Variants in MYO18B observed in about 807,000 individuals in gnomAD.
MYO18B encodes the protein myosin XVIIIB.
Under a neutral mutation model 273.0 loss-of-function variants are expected in MYO18B, and 204 were observed. The observed-to-expected ratio is 0.75, with a 90% CI of 0.67 to 0.84. MYO18B has a LOEUF of 0.84. MYO18B is among the 40% of genes least tolerant of loss of function. The pLI is 0.00. For missense variants in MYO18B, 3,212 were observed against 3,287.6 expected (o/e 0.98, Z 0.56); for synonymous variants, 1,330 against 1,305.7 (o/e 1.02, Z -0.40).
At chr22:25,961,640 C>CG (rs2092919666) in intron 39 of MYO18B, among the ~76,000 whole-genome samples, 1 of 152,274 alleles carries the variant, frequency 6.6e-6, no homozygotes, top group African/African-American at 2.4e-5. Flanking sequence ...TTACAGGGCC[C>CG]GGGGAACCAC....
intron 1 of MYO18B, among the ~76,000 whole-genome samples, chr22:25,756,132 G>T (rs887744440): frequency 1.3e-5 from 2 of 152,122 alleles, no homozygotes; most frequent in African/African-American, 4.8e-5. Context: ...CTGACCTCGT[G>T]ATCCGCCTGC....
At chr22:25,937,962 C>T (rs1247126105) in intron 34 of MYO18B, among the ~76,000 whole-genome samples, 1 of 152,166 alleles carries the variant, frequency 6.6e-6, no homozygotes, top group African/African-American at 2.4e-5. Context: ...GGGTGATTCC[C>T]TTCAGGGAAA....
At chr22:25,996,575 A>T (rs542653517) in intron 40 of MYO18B, among the ~76,000 whole-genome samples, 2 of 151,870 alleles carry the variant, frequency 1.3e-5, no homozygotes, top group Non-Finnish European at 2.9e-5. Flanking sequence ...GTGTGTGTGT[A>T]TGTGTGTGAG....
the MYO18B span, among the ~76,000 whole-genome samples, chr22:26,040,980 CG>C: frequency 6.6e-6 from 1 of 152,076 alleles, no homozygotes; most frequent in Non-Finnish European, 1.5e-5. Flanking sequence ...ACAGAACTTT[CG>C]GTGCTAAAAC....
At chr22:25,877,064 G>A (rs2091219955) in intron 24 of MYO18B, 1 of 152,216 alleles carries the variant, frequency 6.6e-6, no homozygotes, top group Non-Finnish European at 1.5e-5. Flanking sequence ...GGCAATCCCT[G>A]GAGGATGAAG....
At chr22:26,062,051 T>C in the MYO18B span, among the ~76,000 whole-genome samples, 2 of 152,194 alleles carry the variant, frequency 1.3e-5, no homozygotes, top group Non-Finnish European at 2.9e-5. Flanking sequence ...TTCTTCTCTG[T>C]GTGGGGATCA....
At chr22:25,997,343 G>GAA (rs1933396699) in intron 40 of MYO18B, among the ~76,000 whole-genome samples, 1 of 73,360 alleles carries the variant, frequency 1.4e-5, no homozygotes, top group African/African-American at 5.6e-5. Flanking sequence ...AAGGAAAAAA[G>GAA]AAAGTATGGG....
chr22:25,834,059 C>T (rs370438843), intron 16 of MYO18B, among the ~76,000 whole-genome samples: 4 of 152,180 alleles, frequency 2.6e-5, no homozygotes, highest in African/African-American at 7.2e-5. Context: ...AAGGGTGGGC[C>T]TGAAGGGCTG....
At chr22:26,010,386 G>A (rs970636160) in intron 42 of MYO18B, among the ~76,000 whole-genome samples, 1 of 152,084 alleles carries the variant, frequency 6.6e-6, no homozygotes, top group Non-Finnish European at 1.5e-5. Flanking sequence ...GCATGTGGTG[G>A]GCTCAGAGAG....
intron 39 of MYO18B, among the ~76,000 whole-genome samples, chr22:25,969,179 G>T (rs1053890558): frequency 6.6e-6 from 1 of 152,214 alleles, no homozygotes; most frequent in African/African-American, 2.4e-5. Context: ...GATTCCAGAT[G>T]TGTCACCTTA....
In MYO18B at chr22:25,955,265, G is replaced by A. The variant is rs1467663958; in HGVS notation, c.6057G>A (p.Glu2019=). The change falls in exon 39 of 44, where the codon GAG becomes GAA. Residue 2019 remains glutamate (E), a synonymous_variant. Coordinates refer to ENST00000335473, the MANE Select transcript of MYO18B (RefSeq NM_032608.7). The stretch of plus-strand genomic sequence containing the variant: ...CCACCTCCGAGTCCCAGCAGCGGGA[G>A]AGCAGCCAGTACTACCAGCGGCGCC... ...QAATSESQQR[E]SSQYYQRRLE... is the part of the protein sequence containing the mutation. 2 of 1,613,680 alleles carry A rather than the reference G, an allele frequency of 1.2e-6. No homozygotes were observed. Among genetic ancestry groups the A allele is most frequent in the African/African-American group, 2.7e-5 (2 of 74,886 alleles).
chr22:25,814,256 A>G (rs983518896), intron 12 of MYO18B, among the ~76,000 whole-genome samples: 1 of 143,358 alleles, frequency 7.0e-6, no homozygotes, highest in Non-Finnish European at 1.5e-5. Flanking sequence ...ACAGTAGCTC[A>G]CATTTAATCA....
the MYO18B span, among the ~76,000 whole-genome samples, chr22:26,041,467 G>A: frequency 2.6e-5 from 4 of 152,190 alleles, no homozygotes; most frequent in East Asian, 7.7e-4. Flanking sequence ...AGGAGGTAGA[G>A]GTTGCAGGGA....
rs572834205 is a variant in MYO18B, at chr22:25,846,113, A to G, written c.3382A>G (p.Ser1128Gly). 18 of 1,571,678 alleles carry G rather than the reference A, an allele frequency of 1.1e-5. No homozygotes were observed. The East Asian group carries it at 4.2e-4, about 37-fold the overall frequency. Residue 1128 changes from serine (S) to glycine (G), a missense_variant, in exon 19 of 44, where the codon AGT (serine) becomes GGT (glycine). Coordinates refer to ENST00000335473, the MANE Select transcript of MYO18B (RefSeq NM_032608.7). ...LHQSKREELR[S>G]LFQARAKLPP... Reference sequence around the variant, plus strand: ...CCTCCCCACCAGAGAGGAGCTGCGGAGTCTATTCCAGGCCCGGGCCAAGCT... The same window carrying G: ...CCTCCCCACCAGAGAGGAGCTGCGGGGTCTATTCCAGGCCCGGGCCAAGCT...
chr22:26,008,511 C>T (rs988249754), intron 42 of MYO18B, among the ~76,000 whole-genome samples: 1 of 152,126 alleles, frequency 6.6e-6, no homozygotes. Flanking sequence ...CTTCTGCCAA[C>T]AAAATAAAAG....
intron 3 of MYO18B, among the ~76,000 whole-genome samples, chr22:25,765,254 T>C (rs753721478): frequency 6.6e-6 from 1 of 152,212 alleles, no homozygotes; most frequent in Non-Finnish European, 1.5e-5. Context: ...CCTCAGGACA[T>C]GTTTCCACAA....
intron 3 of MYO18B, among the ~76,000 whole-genome samples, chr22:25,767,481 TG>T (rs1277316093): frequency 7.9e-5 from 12 of 152,314 alleles, no homozygotes; most frequent in African/African-American, 2.2e-4. Context: ...ATAAAAGATC[TG>T]GATGGTCAGG....
intron 21 of MYO18B, among the ~76,000 whole-genome samples, chr22:25,852,227 C>T (rs3859881): frequency 0.33 from 49,956 of 152,040 alleles, 8,829 homozygotes; most frequent in Admixed American, 0.4. Context: ...ACTCGTTCCC[C>T]GAATCTTTGC....
chr22:26,032,768 C>T (rs1032768348), downstream of MYO18B, among the ~76,000 whole-genome samples: 9 of 152,170 alleles, frequency 5.9e-5, no homozygotes, highest in African/African-American at 2.2e-4. Flanking sequence ...GGTGATCCAC[C>T]TGCCTTGGCC....
Sources: gnomAD v4.1 joint callset for allele counts (sites outside exome capture counted in the v4.1 genomes callset) on GRCh38, gnomAD v4.1.1 for gene constraint, MANE v1.5 for transcripts, NCBI Gene and HGNC (gene_info 2026-07-23, HGNC 2026-07-21) for gene names.